UBAP1: variants seen among roughly 807,000 people sequenced by gnomAD.
The protein encoded by UBAP1 is ubiquitin-associated protein 1.
UBAP1 carries 5 observed loss-of-function variants against 39.0 expected under a neutral mutation model. That is an observed-to-expected ratio of 0.13 (90% CI 0.07 to 0.27). The LOEUF (loss-of-function observed/expected upper bound fraction) is 0.27. UBAP1 is among the 10% of genes least tolerant of loss of function. The pLI is 1.00. For synonymous variants in UBAP1, 211 were observed against 225.1 expected (o/e 0.94, Z 0.56); for missense variants, 490 against 608.1 (o/e 0.81, Z 2.04).
At position 34,211,723 on chromosome 9, in the gene UBAP1, C is replaced by T. The variant is rs575554486; in HGVS notation, c.-7-9185C>T. ...CTGCCTCCTTCAACTTTTCCTTTTC[C>T]CATTTCTTCCCATTCCTTAACCCAT... On this transcript the variant is annotated intron_variant, in intron 1 of 6. Coordinates refer to ENST00000297661, the MANE Select transcript of UBAP1 (RefSeq NM_016525.5). 2.0e-5 allele frequency among the ~76,000 whole-genome samples: 3 copies of T among 152,172 alleles called. No individual in the cohort carries two copies. The East Asian group carries it at 5.8e-4, about 29-fold the overall frequency.
At chr9:34,180,796 T>A (rs945950109) in intron 1 of UBAP1, among the ~76,000 whole-genome samples, 1 of 59,254 alleles carries the variant, frequency 1.7e-5, no homozygotes, top group Non-Finnish European at 3.6e-5. Flanking sequence ...GAAAAAAAAC[T>A]TTTTTTTTTT....
At chr9:34,181,961 T>C (rs1488581400) in intron 1 of UBAP1, among the ~76,000 whole-genome samples, 6 of 149,614 alleles carry the variant, frequency 4.0e-5, no homozygotes, top group Non-Finnish European at 1.5e-5. Context: ...GTGCATTTTT[T>C]AATTAAAATT....
At chr9:34,230,911 C>T (rs1833371833) in intron 2 of UBAP1, among the ~76,000 whole-genome samples, 1 of 151,980 alleles carries the variant, frequency 6.6e-6, no homozygotes, top group South Asian at 2.1e-4. Context: ...GGTGTGATAG[C>T]TCATGCTTGT....
intron 2 of UBAP1, among the ~76,000 whole-genome samples, chr9:34,223,461 T>C (rs910014316): frequency 5.9e-5 from 9 of 151,976 alleles, no homozygotes; most frequent in Admixed American, 5.9e-4. Context: ...GTTTGTTTGT[T>C]TGTTTGTTTT....
chr9:34,249,565 A>AC (rs549639277), intron 4 of UBAP1, among the ~76,000 whole-genome samples: 10 of 152,004 alleles, frequency 6.6e-5, no homozygotes, highest in Admixed American at 5.9e-4. Context: ...ATTGCAGGTG[A>AC]CCTCCCACCT....
intron 1 of UBAP1, chr9:34,191,455 T>C (rs2131510009): frequency 6.6e-6 from 1 of 152,468 alleles, no homozygotes; most frequent in East Asian, 1.9e-4. Context: ...ATGGCAGAAC[T>C]CTGGACAGTG....
intron 1 of UBAP1, among the ~76,000 whole-genome samples, chr9:34,186,020 A>G (rs980381482): frequency 3.3e-5 from 5 of 152,204 alleles, no homozygotes; most frequent in South Asian, 4.1e-4. Context: ...TCCAACCTCA[A>G]TGCCTATGCT....
At chr9:34,193,884 C>G (rs1249807890) in intron 1 of UBAP1, among the ~76,000 whole-genome samples, 1 of 152,064 alleles carries the variant, frequency 6.6e-6, no homozygotes, top group African/African-American at 2.4e-5. Context: ...AGTCCCCTCT[C>G]TGGGGAGGGT....
chr9:34,251,027 A>G (rs1329070854), intron 6 of UBAP1: 1 of 519,896 alleles, frequency 1.9e-6, no homozygotes, highest in Non-Finnish European at 3.5e-6. Context: ...TTAGATGATT[A>G]GGGAGGGAGA....
At chr9:34,187,345 A>G (rs1481852005) in intron 1 of UBAP1, among the ~76,000 whole-genome samples, 6 of 152,214 alleles carry the variant, frequency 3.9e-5, no homozygotes, top group Admixed American at 3.9e-4. Context: ...CTTGATTACA[A>G]AGGCAGACTT....
At position 34,251,572 on chromosome 9, in the gene UBAP1, C is replaced by T. The variant is rs766915858; in HGVS notation, c.*40C>T. ...TAGGCCCTGCCGCAGAACCACCATC[C>T]CTGGGAGGCCCTGCAGAGCCCACCT... On this transcript the variant is annotated 3_prime_UTR_variant, in exon 7 of 7. Transcript: ENST00000297661. The T allele has an allele frequency of 1.9e-6, 3 of 1,602,992 alleles. No individual in the cohort carries two copies. Among genetic ancestry groups the T allele is most frequent in the Non-Finnish European group, 2.6e-6 (3 of 1,175,276 alleles).
chr9:34,234,601 T>C (rs1212421077), intron 3 of UBAP1, among the ~76,000 whole-genome samples: 1 of 151,972 alleles, frequency 6.6e-6, no homozygotes, highest in East Asian at 1.9e-4. Context: ...GGCAACTTAA[T>C]GAGACCTCAT....
At chr9:34,214,870 G>A (rs1832212078) in intron 1 of UBAP1, among the ~76,000 whole-genome samples, 1 of 152,070 alleles carries the variant, frequency 6.6e-6, no homozygotes, top group South Asian at 2.1e-4. Flanking sequence ...CAACAAACAT[G>A]AAAAATGCCC....
At position 34,249,914 on chromosome 9, in the gene UBAP1, G is replaced by A. The variant is rs777982871; in HGVS notation, c.1219G>A (p.Glu407Lys). ...ETVVNMGYSYECVLRAMKKKG... is the reference protein window; with the variant it reads ...ETVVNMGYSYKCVLRAMKKKG... The stretch of plus-strand genomic sequence containing the variant: ...GGTGGTCAACATGGGCTACTCGTAC[G>A]AGTGTGTCCTCAGAGCCATGAAGAA... The change falls in exon 5 of 7, where the codon GAG becomes AAG. Residue 407 changes from glutamate (E) to lysine (K), a missense_variant. Glu to Lys is a moderately conservative substitution (Grantham distance 56, BLOSUM62 1). Around this residue, in one of 3 missense-constraint regions of UBAP1, gnomAD observed 339 missense variants for 390.0 expected, o/e 0.87. Coordinates refer to ENST00000297661, the MANE Select transcript of UBAP1 (RefSeq NM_016525.5). 18 of 1,614,076 alleles carry A rather than the reference G, an allele frequency of 1.1e-5. No homozygotes were observed. Among genetic ancestry groups the A allele is most frequent in the South Asian group, 6.6e-5 (6 of 91,082 alleles).
At chr9:34,237,956 G>A (rs946656564) in intron 3 of UBAP1, among the ~76,000 whole-genome samples, 7 of 151,948 alleles carry the variant, frequency 4.6e-5, no homozygotes, top group South Asian at 2.1e-4. Context: ...TCTAATTCCC[G>A]AACATTTTCA....
chr9:34,194,549 C>T (rs1012977793), intron 1 of UBAP1, among the ~76,000 whole-genome samples: 9 of 152,034 alleles, frequency 5.9e-5, no homozygotes, highest in South Asian at 4.2e-4. Flanking sequence ...CTCCCGACCT[C>T]GTGATCCTCC....
chr9:34,188,919 T>C (rs1830562938), intron 1 of UBAP1, among the ~76,000 whole-genome samples: 1 of 152,092 alleles, frequency 6.6e-6, no homozygotes, highest in Non-Finnish European at 1.5e-5. Context: ...ATCGTACCAT[T>C]GCACTCCAGC....
At chr9:34,215,547 G>A (rs910875929) in intron 1 of UBAP1, among the ~76,000 whole-genome samples, 1 of 138,024 alleles carries the variant, frequency 7.2e-6, no homozygotes. Context: ...GGGTTGGAGG[G>A]GGGTGAGGGA....
At chr9:34,222,749 G>T (rs1030577068) in intron 2 of UBAP1, among the ~76,000 whole-genome samples, 1 of 151,970 alleles carries the variant, frequency 6.6e-6, no homozygotes, top group Non-Finnish European at 1.5e-5. Flanking sequence ...AGTGAGCCAT[G>T]ATCACGCCAC....
Sources: allele counts gnomAD v4.1 joint callset (sites outside exome capture counted in the v4.1 genomes callset), GRCh38; gene constraint gnomAD v4.1.1; regional missense constraint gnomAD v4.1.1; transcripts MANE v1.5; gene names NCBI Gene and HGNC (gene_info 2026-07-23, HGNC 2026-07-21).